The following NOL11 variants were observed in gnomAD, a reference collection of about 807,000 sequenced individuals.
The protein encoded by NOL11 is nucleolar protein 11.
A neutral mutation model predicts 93.0 loss-of-function variants in NOL11; 42 were observed. The ratio of observed to expected loss-of-function variants is 0.45; its 90% CI spans 0.35 to 0.58. The LOEUF (loss-of-function observed/expected upper bound fraction) is 0.58, where lower values mean the gene tolerates loss of function less well. Ranked by LOEUF, NOL11 falls within the 20% of genes least tolerant of loss-of-function variation. NOL11 has a pLI of 0.00. For missense variants in NOL11, 775 were observed against 841.8 expected, an observed-to-expected ratio of 0.92 and a Z score of 0.98; for synonymous variants, 296 against 293.7, an observed-to-expected ratio of 1.01 and a Z score of -0.08.
Position 67,740,105 on chromosome 17 carries a change from C to T in NOL11, c.1935+497C>T, listed in dbSNP as rs534497426. Among the ~76,000 whole-genome samples, 25 of 151,994 alleles carry T rather than the reference C, an allele frequency of 1.6e-4. No individual in the cohort carries two copies. The South Asian group carries it at 4.2e-3, about 25-fold the overall frequency. On this transcript the variant is annotated intron_variant, in intron 16 of 17. Transcript: ENST00000253247. ...ACAAAATCATCCAGGCATAGTGGTG[C>T]GTGCCTGTAATCCCAGATACATGGG...
At chr17:67,734,341 G>A in intron 7 of NOL11, 22 bp from the exon 8 acceptor site, 1 of 1,435,978 alleles carries the variant, frequency 7.0e-7, no homozygotes, top group Non-Finnish European at 9.8e-7. Flanking sequence ...ACTTTTTTCT[G>A]AATTTATGTC....
At chr17:67,730,252 T>G (rs1450719766) in intron 7 of NOL11, among the ~76,000 whole-genome samples, 4 of 152,092 alleles carry the variant, frequency 2.6e-5, no homozygotes, top group Non-Finnish European at 5.9e-5. Flanking sequence ...TTTTGTTGTT[T>G]TTTGTTTGTT....
intron 14 of NOL11, chr17:67,738,697 A>C (rs888768092): frequency 6.6e-6 from 3 of 454,788 alleles, no homozygotes; most frequent in East Asian, 7.0e-5. Context: ...AAAAAAGAAG[A>C]AGCTATACTA....
Position 67,719,796 on chromosome 17 carries a change from T to A in NOL11, c.255+9T>A. ...TTGTACACGATAATAAGGTGAGTTTTAAAACTTTTGTATAATATATACAAT... is the reference window on the plus strand; with the variant it reads ...TTGTACACGATAATAAGGTGAGTTTAAAAACTTTTGTATAATATATACAAT... On this transcript the variant is annotated intron_variant, in intron 2 of 17. Coordinates refer to ENST00000253247, the MANE Select transcript of NOL11 (RefSeq NM_015462.5). 2 of 1,559,846 alleles carry A rather than the reference T, an allele frequency of 1.3e-6. No homozygotes were observed. The highest frequency in any genetic ancestry group is 1.8e-6 in the Non-Finnish European group (2 of 1,140,102).
Position 67,718,095 on chromosome 17 carries a change from G to A in NOL11, c.141+7G>A. 6.2e-7 allele frequency: 1 copy of A among 1,613,130 alleles called. No homozygotes were observed. On this transcript the variant is annotated splice_region_variant and intron_variant, in intron 1 of 17. Transcript: ENST00000253247. ...GACAGTCATCCTCTATAAGGTGAAG[G>A]CAATAGGTTTGGGAGCGCCCCGACT...
At chr17:67,733,409 C>T (rs1599043719) in intron 7 of NOL11, among the ~76,000 whole-genome samples, 3 of 152,084 alleles carry the variant, frequency 2.0e-5, no homozygotes, top group Non-Finnish European at 4.4e-5. Flanking sequence ...CTTCTTCTTG[C>T]CTGGCTAGAA....
At chr17:67,737,184 A>G (rs746665832) in intron 11 of NOL11, 39 bp downstream of exon 11, 3 of 1,245,058 alleles carry the variant, frequency 2.4e-6, no homozygotes, top group South Asian at 1.2e-5. Context: ...ATCAAACTCA[A>G]GTGTTCCAAA....
chr17:67,724,297 C>T (rs2143090117), intron 6 of NOL11, 104 bp downstream of exon 6: 3 of 615,784 alleles, frequency 4.9e-6, no homozygotes, highest in Non-Finnish European at 5.3e-6. Context: ...CAGTTACAGC[C>T]ATTTCTGTGC....
intron 6 of NOL11, among the ~76,000 whole-genome samples, chr17:67,725,246 GT>G (rs1202316910): frequency 6.6e-6 from 1 of 152,128 alleles, no homozygotes; most frequent in Non-Finnish European, 1.5e-5. Flanking sequence ...ATTAGATTTA[GT>G]ATGCCCTTCC....
chr17:67,720,974 T>C (rs1122083), intron 3 of NOL11, among the ~76,000 whole-genome samples: 14,185 of 152,256 alleles, frequency 0.093, 757 homozygotes, highest in East Asian at 0.14. Flanking sequence ...TCACACACGG[T>C]GTTAACTTCT....
Position 67,724,132 on chromosome 17 carries a change from C to T in NOL11, c.603C>T (p.Asn201=), listed in dbSNP as rs2055064043. 2 of 1,594,908 alleles carry T rather than the reference C, an allele frequency of 1.3e-6. No individual in the cohort carries two copies. Among genetic ancestry groups the T allele is most frequent in the Admixed American group, 1.8e-5 (1 of 55,744 alleles). Residue 201 remains asparagine, a synonymous_variant, in exon 6 of 18, where the codon AAC becomes AAT. Transcript: ENST00000253247. The part of the protein sequence containing the change: ...KYTLLLGQDE[N]SVIKSFTASV... ...CACTCTTACTTGGACAAGACGAAAA[C>T]TCTGTTATAAAGAGTTTTACTGCAT...
rs202128345 is a variant in NOL11, at chr17:67,736,439, TG to T, written c.1055-226del. ...CCCCAAACAAAATCAGTAATACCTCTGCCCTCCCTTGTTTACCGATGGCCTC... is the reference window on the plus strand; with the variant it reads ...CCCCAAACAAAATCAGTAATACCTCTCCCTCCCTTGTTTACCGATGGCCTC... On this transcript the variant is annotated intron_variant, in intron 9 of 17. Transcript: ENST00000253247. 815 of 507,298 alleles carry T rather than the reference TG, an allele frequency of 1.6e-3. 5 individuals carry two copies. The highest frequency in any genetic ancestry group is 0.015 in the African/African-American group (764 of 50,670). The allele number at this position is 507,298 out of a possible 1,614,324, so 31.4% of individuals were successfully genotyped here.
intron 9 of NOL11, 124 bp downstream of exon 9, chr17:67,736,147 A>G (rs1212375326): frequency 4.3e-6 from 4 of 939,902 alleles, no homozygotes; most frequent in Non-Finnish European, 6.2e-6. Context: ...ACCGCTGTTT[A>G]TTGAAACTTG....
rs961714319 is a variant in NOL11 at position 67,744,015 on chromosome 17, T to A, written c.*156T>A. The A allele has an allele frequency of 7.0e-6, 3 of 427,652 alleles. No homozygotes were observed. Among genetic ancestry groups the A allele is most frequent in the Non-Finnish European group, 1.2e-5 (3 of 241,726 alleles). 26.5% of individuals were successfully genotyped at this position (427,652 alleles called of 1,614,324 possible). ...CCATCACTTAACTGATGCTCCGGGG[T>A]AGGACTGCAGGTTTCACATGAACCT... is the stretch of plus-strand genomic sequence containing the variant. On this transcript the variant is annotated 3_prime_UTR_variant, in exon 18 of 18. Coordinates refer to ENST00000253247, the MANE Select transcript of NOL11 (RefSeq NM_015462.5).
At chr17:67,738,086 T>C in intron 13 of NOL11, 36 bp from the exon 14 acceptor site, 1 of 1,558,696 alleles carries the variant, frequency 6.4e-7, no homozygotes, top group South Asian at 1.2e-5. Flanking sequence ...AGCTTGGTGA[T>C]AAGGATTAAC....
At chr17:67,718,823 T>C (rs2043195201) in intron 1 of NOL11, among the ~76,000 whole-genome samples, 1 of 152,218 alleles carries the variant, frequency 6.6e-6, no homozygotes, top group Non-Finnish European at 1.5e-5. Flanking sequence ...TGCTAACAGC[T>C]CCCTGTGCCG....
intron 8 of NOL11, 72 bp downstream of exon 8, chr17:67,734,511 A>G (rs2055183809): frequency 2.2e-6 from 2 of 925,784 alleles, no homozygotes; most frequent in Non-Finnish European, 3.5e-6. Flanking sequence ...TTGTTTTGAG[A>G]TGGGGCCTCA....
chr17:67,743,061 C>T lies in NOL11; in HGVS notation c.1936-418C>T, dbSNP rs555172767. Among the ~76,000 whole-genome samples, 5 of 152,204 alleles carry T rather than the reference C, an allele frequency of 3.3e-5. No homozygotes were observed. The South Asian group carries it at 6.2e-4, about 19-fold the overall frequency. On this transcript the variant is annotated intron_variant, in intron 16 of 17. Transcript: ENST00000253247. ...ATTCAAGACCAGCTTGGCAATAAGGCGAAACCCCATCTCTACAAAAATTGC... is the reference window on the plus strand; with the variant it reads ...ATTCAAGACCAGCTTGGCAATAAGGTGAAACCCCATCTCTACAAAAATTGC...
intron 15 of NOL11, 130 bp from the exon 16 acceptor site, chr17:67,739,384 TTA>T (rs1330546707): frequency 1.7e-6 from 1 of 585,874 alleles, no homozygotes; most frequent in East Asian, 3.0e-5. Context: ...TTATTCATTT[TTA>T]TGTCTCCAGA....
Sources: allele counts gnomAD v4.1 joint callset (sites outside exome capture counted in the v4.1 genomes callset), GRCh38; gene constraint gnomAD v4.1.1; transcripts MANE v1.5; gene names NCBI Gene and HGNC (gene_info 2026-07-23, HGNC 2026-07-21).